Variants in RPS6KA2 observed in about 807,000 individuals in gnomAD.
RPS6KA2 encodes the protein ribosomal protein S6 kinase alpha-2.
Under a neutral mutation model 91.8 loss-of-function variants are expected in RPS6KA2, and 42 were observed. That is an observed-to-expected ratio of 0.46 (90% CI 0.36 to 0.59). The LOEUF is 0.59. Ranked by LOEUF, RPS6KA2 falls within the 20% of genes least tolerant of loss-of-function variation. RPS6KA2 has a pLI of 0.00. For synonymous variants in RPS6KA2, 414 were observed against 393.6 expected, an observed-to-expected ratio of 1.05 and a Z score of -0.61; for missense variants, 798 against 978.5, an observed-to-expected ratio of 0.82 and a Z score of 2.46.
At chr6:166,673,186 A>G (rs1175992287) in intron 2 of RPS6KA2, among the ~76,000 whole-genome samples, 1 of 152,130 alleles carries the variant, frequency 6.6e-6, no homozygotes, top group Non-Finnish European at 1.5e-5. Context: ...CACCTTCTCT[A>G]CACTGTAGCG....
At chr6:166,499,096 T>C (rs1297480884) in intron 7 of RPS6KA2, among the ~76,000 whole-genome samples, 1 of 152,120 alleles carries the variant, frequency 6.6e-6, no homozygotes, top group Admixed American at 6.5e-5. Context: ...GTGGCGAACC[T>C]GCCCTGCCCC....
At chr6:166,694,214 G>T (rs986744079) in intron 2 of RPS6KA2, among the ~76,000 whole-genome samples, 4 of 152,208 alleles carry the variant, frequency 2.6e-5, no homozygotes, top group African/African-American at 9.6e-5. Flanking sequence ...ATTTCACTTG[G>T]CAGATCACTT....
At chr6:166,550,370 GA>G (rs1006796694) in intron 1 of RPS6KA2, among the ~76,000 whole-genome samples, 14 of 149,260 alleles carry the variant, frequency 9.4e-5, no homozygotes, top group Middle Eastern at 3.4e-3. Flanking sequence ...TGCTGCAAGG[GA>G]AAAAAAAATG....
At chr6:166,687,885 G>A (rs571503238) in intron 2 of RPS6KA2, among the ~76,000 whole-genome samples, 12 of 152,292 alleles carry the variant, frequency 7.9e-5, no homozygotes, top group Admixed American at 1.3e-4. Flanking sequence ...AGCCCCCTGC[G>A]GTAGGAGTGA....
chr6:166,481,733 G>A (rs569021344), intron 10 of RPS6KA2, among the ~76,000 whole-genome samples: 27 of 151,978 alleles, frequency 1.8e-4, no homozygotes, highest in Non-Finnish European at 3.4e-4. Flanking sequence ...ATGGTAGACT[G>A]TACGTATACC....
rs16899148 is a variant in RPS6KA2, at chr6:166,554,763, G to T, written c.100-15979C>A. Among the ~76,000 whole-genome samples, 1 of 152,020 alleles carries T rather than the reference G, an allele frequency of 6.6e-6. No individual in the cohort carries two copies. The highest frequency in any genetic ancestry group is 1.5e-5 in the Non-Finnish European group (1 of 68,014). On this transcript the variant is annotated intron_variant, in intron 1 of 20. Coordinates refer to ENST00000265678, the MANE Select transcript of RPS6KA2 (RefSeq NM_021135.6). This position sits in a 1 kb window ranked among gnomAD's most constrained non-coding sequence, Gnocchi z 4.3. ...AGTCTGACCTTCCATCCCTAGGAAA[G>T]GCCTACTTATGATGAGAATTCTGAT... is the stretch of plus-strand genomic sequence containing the variant.
Position 166,706,561 on chromosome 6 carries a change from G to A in RPS6KA2, c.123+151639C>T, listed in dbSNP as rs148930954. On this transcript the variant is annotated intron_variant, in intron 2 of 21. Coordinates refer to the RPS6KA2 transcript ENST00000503859. ...TGACTGCATGGAGAACACTTGAGCA[G>A]TCATGAAGATGAAGAACGAGTATCA... Among the ~76,000 whole-genome samples, 354 of 152,354 alleles carry A rather than the reference G, an allele frequency of 2.3e-3. 4 individuals are homozygous for A. Among genetic ancestry groups the A allele is most frequent in the Middle Eastern group, 6.8e-3 (2 of 294 alleles).
At chr6:166,642,942 C>T (rs1019482791) in intron 2 of RPS6KA2, among the ~76,000 whole-genome samples, 1 of 152,204 alleles carries the variant, frequency 6.6e-6, no homozygotes, top group Non-Finnish European at 1.5e-5. Flanking sequence ...CAAAAGCAGG[C>T]TTGCTGACCT....
In RPS6KA2 at chr6:166,648,260, TC is replaced by T. The variant is rs950742509; in HGVS notation, c.124-109477del. Among the ~76,000 whole-genome samples the T allele has an allele frequency of 1.3e-5, 2 of 150,420 alleles. No individual in the cohort carries two copies. The highest frequency in any genetic ancestry group is 3.0e-5 in the Non-Finnish European group (2 of 67,682). On this transcript the variant is annotated intron_variant, in intron 2 of 21. Coordinates refer to the RPS6KA2 transcript ENST00000503859. This position sits in a 1 kb window ranked among gnomAD's most constrained non-coding sequence, Gnocchi z 4.8. ...CACACATTCACACAGGCACACACAC[TC>T]ATGTTCATACACACGCATGCACACA...
In RPS6KA2 at chr6:166,517,491, C is replaced by T. The variant is rs1275214983; in HGVS notation, c.299-7134G>A. Among the ~76,000 whole-genome samples, 11 of 100,626 alleles carry T rather than the reference C, an allele frequency of 1.1e-4. No homozygotes were observed. The East Asian group carries it at 2.4e-3, about 22-fold the overall frequency. The allele number at this position is 100,626 out of a possible 152,430, so 66.0% of individuals were successfully genotyped here. On this transcript the variant is annotated intron_variant, in intron 3 of 20. Coordinates refer to ENST00000265678, the MANE Select transcript of RPS6KA2 (RefSeq NM_021135.6). ...TTTTTTTTTTTTTTTTTTTTTGAGA[C>T]GGAGTCTCGCTCTGTCGCCCAGGCC...
rs1387801389 is a variant in RPS6KA2 at position 166,572,310 on chromosome 6, G to T, written c.100-33526C>A. Among the ~76,000 whole-genome samples, 3 of 152,176 alleles carry T rather than the reference G, an allele frequency of 2.0e-5. No individual in the cohort carries two copies. In the East Asian group the frequency reaches 5.8e-4, roughly 29 times the overall value. On this transcript the variant is annotated intron_variant, in intron 1 of 20. Coordinates refer to ENST00000265678, the MANE Select transcript of RPS6KA2 (RefSeq NM_021135.6). Reference sequence around the variant, plus strand: ...TAAATATTGAGAAGAAGAATGAAACGATTTCAAACTTCCAACATAAACATG... The same window carrying T: ...TAAATATTGAGAAGAAGAATGAAACTATTTCAAACTTCCAACATAAACATG...
At chr6:166,721,506 A>G (rs754997211) in intron 2 of RPS6KA2, among the ~76,000 whole-genome samples, 4 of 152,250 alleles carry the variant, frequency 2.6e-5, no homozygotes, top group Admixed American at 2.6e-4. Context: ...AACTTCTAGA[A>G]GATCAAGCTT....
chr6:166,586,332 C>G (rs1218106053), intron 1 of RPS6KA2: 1 of 1,599,300 alleles, frequency 6.3e-7, no homozygotes, highest in African/African-American at 1.6e-5. Context: ...TCTTTGGTTC[C>G]CACCAGCTCT....
At chr6:166,569,560 C>G (rs1337964833) in intron 1 of RPS6KA2, among the ~76,000 whole-genome samples, 4 of 152,218 alleles carry the variant, frequency 2.6e-5, no homozygotes, top group Non-Finnish European at 5.9e-5. Flanking sequence ...ATTCTCACCA[C>G]CCTCTTGCCT....
chr6:166,596,195 G>A (rs560815180), intron 1 of RPS6KA2, among the ~76,000 whole-genome samples: 3 of 152,342 alleles, frequency 2.0e-5, no homozygotes, highest in African/African-American at 4.8e-5. Context: ...TAAGGTCCAC[G>A]TGATGATCAA....
upstream of RPS6KA2, among the ~76,000 whole-genome samples, chr6:166,628,302 T>C (rs1030456639): frequency 6.6e-6 from 1 of 152,216 alleles, no homozygotes; most frequent in African/African-American, 2.4e-5. Flanking sequence ...TGTTTTCCTC[T>C]TGTGCACGTG....
chr6:166,668,072 G>A (rs984588267), intron 2 of RPS6KA2, among the ~76,000 whole-genome samples: 2 of 152,174 alleles, frequency 1.3e-5, no homozygotes, highest in Admixed American at 6.5e-5. Flanking sequence ...TGTGCAGGGT[G>A]GGGCCAGGGA....
At chr6:166,492,534 G>A (rs1781628667) in intron 8 of RPS6KA2, among the ~76,000 whole-genome samples, 1 of 152,018 alleles carries the variant, frequency 6.6e-6, no homozygotes, top group Non-Finnish European at 1.5e-5. Context: ...TCTATTAATA[G>A]CACTATGAAA....
In RPS6KA2 at chr6:166,746,056, C is replaced by T. The variant is rs73263050; in HGVS notation, c.123+112144G>A. Among the ~76,000 whole-genome samples the T allele has an allele frequency of 3.0e-3, 453 of 152,302 alleles. 1 individual carries two copies. The highest frequency in any genetic ancestry group is 0.01 in the African/African-American group (435 of 41,552). On this transcript the variant is annotated intron_variant, in intron 2 of 21. Transcript: ENST00000503859. ...TATCCGTGTTGCAGCTACTGAGACA[C>T]GCTTTTTCCTGCCCGGGTCACCTTC...
Sources: allele counts gnomAD v4.1 joint callset (sites outside exome capture counted in the v4.1 genomes callset), GRCh38; gene constraint gnomAD v4.1.1; non-coding constraint Gnocchi (gnomAD v3.1); transcripts MANE v1.5; gene names NCBI Gene and HGNC (gene_info 2026-07-23, HGNC 2026-07-21).